Variants in RUNDC3B observed in about 807,000 individuals in gnomAD.
The protein encoded by RUNDC3B is RUN domain-containing protein 3B.
In RUNDC3B, 33 loss-of-function variants were observed where a neutral mutation model predicts 58.4. That is an observed-to-expected ratio of 0.56 (90% CI 0.43 to 0.75). RUNDC3B has a LOEUF of 0.75. Ranked by LOEUF, RUNDC3B falls within the 30% of genes least tolerant of loss-of-function variation. The probability of loss-of-function intolerance (pLI) is 0.00; values close to 1 mark genes in which losing one functional copy is unlikely to be tolerated. For missense variants in RUNDC3B, 501 were observed against 535.7 expected (o/e 0.94, Z 0.64); for synonymous variants, 193 against 195.2 (o/e 0.99, Z 0.10).
chr7:87,750,700 T>A (rs1489439088), intron 6 of RUNDC3B, among the ~76,000 whole-genome samples: 2 of 151,248 alleles, frequency 1.3e-5, no homozygotes, highest in Non-Finnish European at 3.0e-5. Flanking sequence ...TCTGTTCATG[T>A]CCTTCGCCCA....
At chr7:87,684,883 G>A (rs1034249890) in intron 2 of RUNDC3B, among the ~76,000 whole-genome samples, 1 of 151,652 alleles carries the variant, frequency 6.6e-6, no homozygotes, top group Non-Finnish European at 1.5e-5. Flanking sequence ...AAGAATAATA[G>A]GCTAGGATTA....
chr7:87,644,474 T>C (rs959744887), intron 1 of RUNDC3B, among the ~76,000 whole-genome samples: 2 of 152,218 alleles, frequency 1.3e-5, no homozygotes, highest in Non-Finnish European at 2.9e-5. Flanking sequence ...CTGTCTCATA[T>C]TTTGGATACT....
chr7:87,651,454 C>G (rs1442407945), intron 2 of RUNDC3B, among the ~76,000 whole-genome samples: 1 of 152,010 alleles, frequency 6.6e-6, no homozygotes. Context: ...GGAAGCTATA[C>G]TCTCTGAATT....
chr7:87,820,439 A>G (rs958502334), intron 10 of RUNDC3B, among the ~76,000 whole-genome samples: 1 of 152,216 alleles, frequency 6.6e-6, no homozygotes, highest in African/African-American at 2.4e-5. Flanking sequence ...ATGGATTCAC[A>G]GCTGAATTCT....
chr7:87,710,751 T>G, intron 4 of RUNDC3B, 96 bp downstream of exon 4: 1 of 620,736 alleles, frequency 1.6e-6, no homozygotes, highest in Non-Finnish European at 2.7e-6. Context: ...TCTAAAATCC[T>G]CAACTGTTTT....
chr7:87,751,802 A>C (rs1325953440), intron 6 of RUNDC3B, among the ~76,000 whole-genome samples: 3 of 151,806 alleles, frequency 2.0e-5, no homozygotes, highest in Non-Finnish European at 4.4e-5. Flanking sequence ...TTTTCTAGAC[A>C]TACCATGTCA....
chr7:87,809,943 G>A lies in RUNDC3B; in HGVS notation c.1103+2424G>A, dbSNP rs73706929. On this transcript the variant is annotated intron_variant, in intron 9 of 10. Coordinates refer to ENST00000394654, the MANE Select transcript of RUNDC3B (RefSeq NM_001134405.2). The stretch of plus-strand genomic sequence containing the variant: ...TAAGTAAGTTCAACAGACATTTATT[G>A]AGAAACTGCAAATTATGAAGGAGGT... Among the ~76,000 whole-genome samples the A allele has an allele frequency of 2.9e-3, 449 of 152,216 alleles. 2 individuals are homozygous for A. The highest frequency in any genetic ancestry group is 0.01 in the African/African-American group (420 of 41,542).
chr7:87,681,224 G>T (rs1410009481), intron 2 of RUNDC3B, among the ~76,000 whole-genome samples: 2 of 150,788 alleles, frequency 1.3e-5, no homozygotes, highest in African/African-American at 4.9e-5. Context: ...TCCAGGCCTA[G>T]ATATTTTTGC....
In RUNDC3B at chr7:87,827,444, G is replaced by A. The variant is rs562128398; in HGVS notation, c.1226-2441G>A. On this transcript the variant is annotated intron_variant, in intron 10 of 10. Transcript: ENST00000394654. ...CGAGATTGCAGTGAGCTGAGACTGCGCCACTGCACTCAAGCCTGGGTGCTA... is the reference window on the plus strand; with the variant it reads ...CGAGATTGCAGTGAGCTGAGACTGCACCACTGCACTCAAGCCTGGGTGCTA... Among the ~76,000 whole-genome samples, 30 of 152,168 alleles carry A rather than the reference G, an allele frequency of 2.0e-4. No homozygotes were observed. In the South Asian group the frequency reaches 2.7e-3, roughly 14 times the overall value.
At chr7:87,803,301 C>T (rs1335474370) in intron 8 of RUNDC3B, among the ~76,000 whole-genome samples, 1 of 152,126 alleles carries the variant, frequency 6.6e-6, no homozygotes, top group Non-Finnish European at 1.5e-5. Flanking sequence ...GAGCTAGACT[C>T]CATTTTTCAG....
chr7:87,814,904 A>G (rs1040159188), intron 9 of RUNDC3B, among the ~76,000 whole-genome samples: 1 of 152,174 alleles, frequency 6.6e-6, no homozygotes, highest in Non-Finnish European at 1.5e-5. Flanking sequence ...TACCTGTTGT[A>G]TATTCATTAT....
At chr7:87,820,954 G>T (rs1837388316) in intron 10 of RUNDC3B, among the ~76,000 whole-genome samples, 1 of 151,144 alleles carries the variant, frequency 6.6e-6, no homozygotes, top group South Asian at 2.1e-4. Context: ...GCAAAAACTG[G>T]AAGCATTCCC....
chr7:87,799,907 G>T (rs1018434895), intron 8 of RUNDC3B, among the ~76,000 whole-genome samples: 1 of 134,352 alleles, frequency 7.4e-6, no homozygotes, highest in Non-Finnish European at 1.6e-5. Flanking sequence ...AAAAAAAAAA[G>T]AATCACTCAA....
At chr7:87,692,846 G>T (rs533012302) in intron 2 of RUNDC3B, among the ~76,000 whole-genome samples, 8 of 152,084 alleles carry the variant, frequency 5.3e-5, no homozygotes, top group African/African-American at 1.9e-4. Context: ...TTTAACTGTC[G>T]TACCAAGTTA....
At chr7:87,678,121 C>T (rs1826562502) in intron 2 of RUNDC3B, among the ~76,000 whole-genome samples, 1 of 152,184 alleles carries the variant, frequency 6.6e-6, no homozygotes. Context: ...GCAACAGAAA[C>T]TGTGAATATC....
intron 2 of RUNDC3B, among the ~76,000 whole-genome samples, chr7:87,677,321 T>A (rs1826472083): frequency 1.5e-5 from 2 of 135,982 alleles, no homozygotes; most frequent in African/African-American, 5.7e-5. Flanking sequence ...CACAATGGAA[T>A]ACCATTTCAG....
intron 2 of RUNDC3B, among the ~76,000 whole-genome samples, chr7:87,690,305 A>G (rs551868542): frequency 5.8e-4 from 89 of 152,276 alleles, no homozygotes; most frequent in Middle Eastern, 3.4e-3. Context: ...CATGTGATCT[A>G]TATTTTTATT....
intron 8 of RUNDC3B, among the ~76,000 whole-genome samples, chr7:87,789,434 C>T (rs1431608703): frequency 6.6e-6 from 1 of 152,152 alleles, no homozygotes; most frequent in Non-Finnish European, 1.5e-5. Flanking sequence ...TATCAGCCTA[C>T]AAACCATAAG....
At position 87,758,629 on chromosome 7, in the gene RUNDC3B, GA is replaced by G. The variant is rs577882151; in HGVS notation, c.630-11944del. Among the ~76,000 whole-genome samples the G allele has an allele frequency of 2.6e-4, 39 of 151,798 alleles. No homozygotes were observed. The South Asian group carries it at 5.2e-3, about 20-fold the overall frequency. ...GTAAAGAGTTCAAACAACTCAATAG[GA>G]AAAAAAATCAAATAATCCAATTAAA... On this transcript the variant is annotated intron_variant, in intron 6 of 10. Transcript: ENST00000394654.
Sources: allele counts gnomAD v4.1 joint callset (sites outside exome capture counted in the v4.1 genomes callset), GRCh38; gene constraint gnomAD v4.1.1; transcripts MANE v1.5; gene names NCBI Gene and HGNC (gene_info 2026-07-23, HGNC 2026-07-21).